The following RBFOX1 variants were observed in gnomAD, a reference collection of about 807,000 sequenced individuals.
The protein encoded by RBFOX1 is RNA binding protein fox-1 homolog 1.
A neutral mutation model predicts 57.7 loss-of-function variants in RBFOX1; 8 were observed. The observed-to-expected ratio is 0.14, with a 90% confidence interval of 0.08 to 0.25. The LOEUF (loss-of-function observed/expected upper bound fraction) is 0.25, where lower values mean the gene tolerates loss of function less well. RBFOX1 is among the 10% of genes least tolerant of loss of function. The pLI, the probability that RBFOX1 is intolerant of heterozygous loss-of-function variation, is 1.00. For synonymous variants in RBFOX1, 326 were observed against 222.4 expected, an observed-to-expected ratio of 1.47 and a Z score of -4.15; for missense variants, 611 against 548.5, an observed-to-expected ratio of 1.11 and a Z score of -1.14.
At chr16:6,345,769 GC>G (rs1289476648) in intron 2 of RBFOX1, among the ~76,000 whole-genome samples, 1 of 152,196 alleles carries the variant, frequency 6.6e-6, no homozygotes, top group Non-Finnish European at 1.5e-5. Context: ...AGTTTATTTT[GC>G]CAAGGTTGAG....
intron 3 of RBFOX1, among the ~76,000 whole-genome samples, chr16:6,996,810 T>C (rs1388048817): frequency 6.6e-6 from 1 of 152,138 alleles, no homozygotes; most frequent in Non-Finnish European, 1.5e-5. Context: ...ATGGCCAGTC[T>C]ATGAGTTGAT....
intron 3 of RBFOX1, among the ~76,000 whole-genome samples, chr16:6,748,165 C>T (rs996556568): frequency 2.6e-5 from 4 of 151,934 alleles, no homozygotes; most frequent in Non-Finnish European, 5.9e-5. Context: ...ACTAGCATCT[C>T]GTTAGGCAAT....
chr16:5,874,028 C>G (rs2057542849), intron 4 of RBFOX1, among the ~76,000 whole-genome samples: 2 of 152,178 alleles, frequency 1.3e-5, no homozygotes, highest in East Asian at 3.9e-4. Flanking sequence ...CAGGGCCCAG[C>G]ATCCTCATGG....
chr16:5,828,529 C>T (rs1373411913), intron 3 of RBFOX1, among the ~76,000 whole-genome samples: 1 of 152,084 alleles, frequency 6.6e-6, no homozygotes, highest in South Asian at 2.1e-4. Context: ...GAAACCCCAT[C>T]TCTACTAAAA....
chr16:5,790,649 G>A (rs1166371115), intron 3 of RBFOX1, among the ~76,000 whole-genome samples: 1 of 152,010 alleles, frequency 6.6e-6, no homozygotes, highest in Non-Finnish European at 1.5e-5. Context: ...CCTAAGCCTC[G>A]TCTCCCTCCT....
rs185421439 is a variant in RBFOX1 at position 6,020,202 on chromosome 16, C to T, written c.-127+210C>T. On this transcript the variant is annotated intron_variant, in intron 1 of 15. Transcript: ENST00000550418. ...CCCAGGAGGCCGAGACCCTGAGCCC[C>T]CTTGTGCGTCGCTTCCAGAAGCACG... Among the ~76,000 whole-genome samples, 29 of 152,022 alleles carry T rather than the reference C, an allele frequency of 1.9e-4. 1 individual carries two copies. Among genetic ancestry groups the T allele is most frequent in the African/African-American group, 6.8e-4 (28 of 41,478 alleles).
chr16:5,757,900 A>G (rs1441953384), intron 3 of RBFOX1, among the ~76,000 whole-genome samples: 1 of 151,922 alleles, frequency 6.6e-6, no homozygotes, highest in East Asian at 1.9e-4. Context: ...CTGACAATAA[A>G]TCTTTCCCCT....
At chr16:7,444,743 G>T (rs2098795444) in intron 4 of RBFOX1, among the ~76,000 whole-genome samples, 3 of 152,086 alleles carry the variant, frequency 2.0e-5, no homozygotes, top group Admixed American at 6.5e-5. Flanking sequence ...CGTTGCCCAG[G>T]CTGGTCCTGA....
chr16:5,338,816 C>G (rs1276885823), intron 1 of RBFOX1, among the ~76,000 whole-genome samples: 2 of 152,068 alleles, frequency 1.3e-5, no homozygotes, highest in African/African-American at 2.4e-5. Context: ...GCTACCACAC[C>G]TGCCTATTTT....
chr16:7,713,237 A>C lies in RBFOX1; in HGVS notation c.*2492A>C, dbSNP rs780970860. ...CAATCTGCAAACCCAGAAAATGTGT[A>C]TATCTGTCTTTAGAAATTAGTGTTT... is the stretch of plus-strand genomic sequence containing the variant. On this transcript the variant is annotated 3_prime_UTR_variant, in exon 16 of 16. Coordinates refer to ENST00000550418, the MANE Select transcript of RBFOX1 (RefSeq NM_018723.4). 6 of 152,246 alleles carry C rather than the reference A, an allele frequency of 3.9e-5. No homozygotes were observed. Among genetic ancestry groups the C allele is most frequent in the Non-Finnish European group, 7.3e-5 (5 of 68,050 alleles). The allele number at this position is 152,246 out of a possible 1,614,324, so 9.4% of individuals were successfully genotyped here.
intron 2 of RBFOX1, among the ~76,000 whole-genome samples, chr16:5,571,118 T>A (rs1415507773): frequency 6.6e-6 from 1 of 152,030 alleles, no homozygotes; most frequent in African/African-American, 2.4e-5. Flanking sequence ...CAGCCCTTCA[T>A]GTAATTCTAC....
intron 3 of RBFOX1, among the ~76,000 whole-genome samples, chr16:5,863,937 T>C (rs1019732432): frequency 3.9e-5 from 6 of 152,178 alleles, no homozygotes; most frequent in Admixed American, 2.0e-4. Context: ...AGCTCAGAGG[T>C]ACATATTGCA....
intron 4 of RBFOX1, among the ~76,000 whole-genome samples, chr16:7,234,022 A>G (rs1361431423): frequency 6.6e-6 from 1 of 152,194 alleles, no homozygotes; most frequent in African/African-American, 2.4e-5. Flanking sequence ...CAAAACTGAG[A>G]CAACATCAAG....
chr16:5,946,078 T>C lies in RBFOX1; in HGVS notation c.351+78743T>C, dbSNP rs1174193921. On this transcript the variant is annotated intron_variant, in intron 4 of 19. Transcript: ENST00000641259. This position sits in a 1 kb window ranked among gnomAD's most constrained non-coding sequence, Gnocchi z 4.6. The stretch of plus-strand genomic sequence containing the variant: ...AAGTGAGGGGGAGACAGGGTTTTAA[T>C]TAGTGGACTGACTTACCCGCTATTC... Among the ~76,000 whole-genome samples the C allele has an allele frequency of 6.6e-6, 1 of 152,192 alleles. No homozygotes were observed. Among genetic ancestry groups the C allele is most frequent in the African/African-American group, 2.4e-5 (1 of 41,452 alleles).
At chr16:7,013,764 C>G (rs1277264365) in intron 3 of RBFOX1, among the ~76,000 whole-genome samples, 2 of 151,902 alleles carry the variant, frequency 1.3e-5, no homozygotes, top group African/African-American at 4.8e-5. Context: ...CTCAAGCAAT[C>G]CTCTTATCTT....
chr16:7,350,541 A>G (rs1326961223), intron 4 of RBFOX1, among the ~76,000 whole-genome samples: 1 of 152,194 alleles, frequency 6.6e-6, no homozygotes, highest in African/African-American at 2.4e-5. Flanking sequence ...GTATCATGTT[A>G]AAAGATTCCT....
intron 3 of RBFOX1, among the ~76,000 whole-genome samples, chr16:5,755,705 T>C (rs1489007363): frequency 6.6e-6 from 1 of 152,200 alleles, no homozygotes; most frequent in East Asian, 1.9e-4. Context: ...TTCAAGCGAT[T>C]CTCCTGACTC....
intron 10 of RBFOX1, among the ~76,000 whole-genome samples, chr16:7,608,550 C>G (rs2056806083): frequency 6.6e-6 from 1 of 152,174 alleles, no homozygotes; most frequent in South Asian, 2.1e-4. Flanking sequence ...TTTCCATGAT[C>G]ATATTGCAAA....
intron 1 of RBFOX1, 126 bp downstream of exon 1, chr16:6,020,118 T>C (rs1334043272): frequency 4.5e-5 from 52 of 1,143,416 alleles, no homozygotes; most frequent in Non-Finnish European, 5.7e-5. Context: ...GTCTGGGCGC[T>C]CTGGACGGGA....
Sources: allele counts gnomAD v4.1 joint callset (sites outside exome capture counted in the v4.1 genomes callset), GRCh38; gene constraint gnomAD v4.1.1; non-coding constraint Gnocchi (gnomAD v3.1); transcripts MANE v1.5; gene names NCBI Gene and HGNC (gene_info 2026-07-23, HGNC 2026-07-21).